GRIN2D: variants seen among roughly 807,000 people sequenced by gnomAD.
GRIN2D encodes the protein glutamate receptor ionotropic, NMDA 2D.
A neutral mutation model predicts 103.2 loss-of-function variants in GRIN2D; 37 were observed. The ratio of observed to expected loss-of-function variants is 0.36; its 90% CI spans 0.28 to 0.47. GRIN2D has a LOEUF of 0.47. Among genes scored for constraint, GRIN2D ranks in the 20% least tolerant of loss-of-function variants. The pLI is 1.00. For missense variants in GRIN2D, 1,557 were observed against 1,910.6 expected, an observed-to-expected ratio of 0.81 and a Z score of 3.45; for synonymous variants, 845 against 885.6, an observed-to-expected ratio of 0.95 and a Z score of 0.81.
intron 9 of GRIN2D, 81 bp downstream of exon 9, chr19:48,419,440 G>A (rs1266834148): frequency 3.3e-5 from 50 of 1,518,574 alleles, no homozygotes; most frequent in Non-Finnish European, 4.0e-5. Context: ...GCAGCCCCTG[G>A]AGGGGGGGCG....
At chr19:48,404,191 G>A (rs985985497) in intron 3 of GRIN2D, among the ~76,000 whole-genome samples, 2 of 149,808 alleles carry the variant, frequency 1.3e-5, no homozygotes, top group Non-Finnish European at 2.9e-5. Context: ...AGTGAGCCGA[G>A]ATTGTGCCAT....
At chr19:48,422,027 C>G in intron 11 of GRIN2D, 82 bp downstream of exon 11, 1 of 1,415,490 alleles carries the variant, frequency 7.1e-7, no homozygotes, top group Non-Finnish European at 9.8e-7. Flanking sequence ...GGTCCAGGTT[C>G]ATTCATTCAG....
chr19:48,433,729 C>T (rs1971189381), intron 11 of GRIN2D, among the ~76,000 whole-genome samples: 1 of 152,190 alleles, frequency 6.6e-6, no homozygotes, highest in South Asian at 2.1e-4. Flanking sequence ...GTAATGTAAG[C>T]ATTATTTTTT....
Position 48,442,086 on chromosome 19 carries a change from A to T in GRIN2D, c.2441-64A>T, listed in dbSNP as rs1971302019. ...GAAGGGGCTAAGGGCCTACATTCCC[A>T]CATCACAGACAAGGGTCCTCAGAGG... On this transcript the variant is annotated intron_variant, in intron 12 of 13. Coordinates refer to ENST00000263269, the MANE Select transcript of GRIN2D (RefSeq NM_000836.4). This position sits in a 1 kb window ranked among gnomAD's most constrained non-coding sequence, Gnocchi z 7.2. 4 of 1,505,238 alleles carry T rather than the reference A, an allele frequency of 2.7e-6. No homozygotes were observed. The Admixed American group carries it at 6.8e-5, about 26-fold the overall frequency. The allele number at this position is 1,505,238 out of a possible 1,614,324, so 93.2% of individuals were successfully genotyped here.
chr19:48,421,706 G>A lies in GRIN2D; in HGVS notation c.2092-79G>A, dbSNP rs1654671. ...GGGACTGGGGTGTCTGCCAGATAGC[G>A]GGTGTGTCTCAGAATGGGTGATTTA... On this transcript the variant is annotated intron_variant, in intron 10 of 13. Coordinates refer to ENST00000263269, the MANE Select transcript of GRIN2D (RefSeq NM_000836.4). This position sits in a 1 kb window ranked among gnomAD's most constrained non-coding sequence, Gnocchi z 4.8. The A allele has an allele frequency of 0.41, 471,095 of 1,143,338 alleles. 100,080 individuals are homozygous for A. The highest frequency in any genetic ancestry group is 0.57 in the East Asian group (24,323 of 42,324). The allele number at this position is 1,143,338 out of a possible 1,614,324, so 70.8% of individuals were successfully genotyped here.
At chr19:48,395,088 G>A (rs1600964509) in intron 2 of GRIN2D, among the ~76,000 whole-genome samples, 152 bp downstream of exon 2, 1 of 151,862 alleles carries the variant, frequency 6.6e-6, no homozygotes, top group Non-Finnish European at 1.5e-5. Context: ...GTCCCTCAGG[G>A]ACTCTCCTCC....
Position 48,432,510 on chromosome 19 carries a change from ACT to A in GRIN2D, c.2253-9256_2253-9255del, listed in dbSNP as rs1241143306. 3.3e-5 allele frequency among the ~76,000 whole-genome samples: 5 copies of A among 150,888 alleles called. No homozygotes were observed. The South Asian group carries it at 1.1e-3, about 32-fold the overall frequency. On this transcript the variant is annotated intron_variant, in intron 11 of 13. Transcript: ENST00000263269. ...TATTTATGTTTAGAGACAGGGTCTC[ACT>A]CTGTTCCCCAGGCTAGAGTGCAGTG...
chr19:48,395,903 C>T (rs1452036365), intron 2 of GRIN2D, among the ~76,000 whole-genome samples: 2 of 151,926 alleles, frequency 1.3e-5, no homozygotes, highest in Non-Finnish European at 2.9e-5. Flanking sequence ...CACTGGAGTT[C>T]CAGAGTCTTG....
At chr19:48,398,286 C>T in intron 2 of GRIN2D, 81 bp from the exon 3 acceptor site, 1 of 477,074 alleles carries the variant, frequency 2.1e-6, no homozygotes, top group Non-Finnish European at 2.8e-6. Context: ...CTCTGTGCGT[C>T]TCTTTATCTC....
Position 48,441,758 on chromosome 19 carries a change from C to T in GRIN2D, c.2253-11C>T, listed in dbSNP as rs1971294776. ...GGGACTGACCCTACCCTCCATTCCCCCTCCCCCCAGGAAGCTGGACGCCTT... is the reference window on the plus strand; with the variant it reads ...GGGACTGACCCTACCCTCCATTCCCTCTCCCCCCAGGAAGCTGGACGCCTT... On this transcript the variant is annotated splice_polypyrimidine_tract_variant and intron_variant, in intron 11 of 13. Transcript: ENST00000263269. 19 of 1,604,188 alleles carry T rather than the reference C, an allele frequency of 1.2e-5. No homozygotes were observed. Among genetic ancestry groups the T allele is most frequent in the Non-Finnish European group, 1.4e-5 (17 of 1,173,496 alleles).
Position 48,419,775 on chromosome 19 carries a change from G to A in GRIN2D, c.2052G>A (p.Glu684=). ...TANLAAFMIQ[E]EYVDTVSGLS... ...ACCTGGCCGCCTTCATGATCCAGGA[G>A]GAGTACGTGGATACTGTGTCTGGGC... Residue 684 remains glutamate (E), a synonymous_variant, in exon 10 of 14, where the codon GAG becomes GAA. Transcript: ENST00000263269. The A allele has an allele frequency of 1.2e-6, 2 of 1,613,798 alleles. No homozygotes were observed.
Position 48,419,685 on chromosome 19 carries a change from C to A in GRIN2D, c.1962C>A (p.Thr654=), listed in dbSNP as rs946604577. The A allele has an allele frequency of 3.1e-6, 5 of 1,613,452 alleles. No individual in the cohort carries two copies. The highest frequency in any genetic ancestry group is 4.2e-6 in the Non-Finnish European group (5 of 1,179,904). Residue 654 remains threonine, a synonymous_variant, in exon 10 of 14, where the codon ACC becomes ACA. Coordinates refer to ENST00000263269, the MANE Select transcript of GRIN2D (RefSeq NM_000836.4). ...CCGTGGAGAACCCCCGGGGAACCAC[C>A]AGCAAAATCATGGTGCTGGTGTGGG... The part of the protein sequence containing the change: ...SVPVENPRGT[T]SKIMVLVWAF...
rs1970945607 is a variant in GRIN2D, at chr19:48,416,141, C to T, written c.1721C>T (p.Pro574Leu). The T allele has an allele frequency of 6.2e-7, 1 of 1,613,710 alleles. No homozygotes were observed. Among genetic ancestry groups the T allele is most frequent in the Non-Finnish European group, 8.5e-7 (1 of 1,179,940 alleles). ...GCGCGCAGCAATGGCACGGTGTCCC[C>T]CTCGGCCTTCCTCGGTAATCTGGGG... Reference protein sequence around the residue: ...MVARSNGTVSPSAFLEPYSPA... With the variant: ...MVARSNGTVSLSAFLEPYSPA... The change falls in exon 8 of 14, where the codon CCC (proline) becomes CTC (leucine). Residue 574 changes from proline (P) to leucine (L), a missense_variant. Coordinates refer to ENST00000263269, the MANE Select transcript of GRIN2D (RefSeq NM_000836.4).
chr19:48,434,172 G>A (rs1971197066), intron 11 of GRIN2D, among the ~76,000 whole-genome samples: 1 of 152,016 alleles, frequency 6.6e-6, no homozygotes, highest in Admixed American at 6.6e-5. Flanking sequence ...GGATGGTTTA[G>A]ATCTCCTGAC....
intron 11 of GRIN2D, 130 bp downstream of exon 11, chr19:48,422,075 C>T (rs556998039): frequency 3.8e-5 from 31 of 818,808 alleles, no homozygotes; most frequent in Non-Finnish European, 5.3e-5. Context: ...GCTTGGAGGG[C>T]GGAGGTCACT....
chr19:48,442,963 G>C lies in GRIN2D; in HGVS notation c.3037G>C (p.Asp1013His). Residue 1013 changes from aspartate (D) to histidine (H), a missense_variant, in exon 14 of 14, where the codon GAC (aspartate) becomes CAC (histidine). This residue lies in a region of GRIN2D where 632 missense variants were observed against 572.8 expected (regional missense o/e 1.10). Coordinates refer to ENST00000263269, the MANE Select transcript of GRIN2D (RefSeq NM_000836.4). The surrounding 1 kb of genome is among the most constrained non-coding windows in gnomAD (Gnocchi z 7.2). The stretch of plus-strand genomic sequence containing the variant: ...GCCCTCCTATTTCGCCATCGTACGC[G>C]ACAAGGAGCCAGCCGAGCCCCCCGC... ...PPPSYFAIVR[D>H]KEPAEPPAGA... 1 of 1,139,976 alleles carries C rather than the reference G, an allele frequency of 8.8e-7. No homozygotes were observed. Among genetic ancestry groups the C allele is most frequent in the Non-Finnish European group, 1.1e-6 (1 of 919,226 alleles). 70.6% of individuals were successfully genotyped at this position (1,139,976 alleles called of 1,614,324 possible). A position where few individuals can be genotyped will look rare whatever the true frequency, so the allele number is the denominator to read the frequency against.
intron 9 of GRIN2D, 97 bp from the exon 10 acceptor site, chr19:48,419,488 G>T: frequency 7.3e-7 from 1 of 1,360,596 alleles, no homozygotes; most frequent in South Asian, 1.3e-5. Context: ...CAGATGCCTT[G>T]AGGGCCACTG....
At chr19:48,409,811 C>T (rs1339299374) in intron 4 of GRIN2D, among the ~76,000 whole-genome samples, 1 of 151,786 alleles carries the variant, frequency 6.6e-6, no homozygotes. Flanking sequence ...GATACAGTCT[C>T]GCTCTGTTGC....
intron 3 of GRIN2D, among the ~76,000 whole-genome samples, chr19:48,399,826 C>A (rs1010588883): frequency 1.5e-5 from 2 of 130,996 alleles, no homozygotes; most frequent in African/African-American, 2.9e-5. Flanking sequence ...AGATTTGGTG[C>A]GAGGCCAGTC....
Sources: allele counts gnomAD v4.1 joint callset (sites outside exome capture counted in the v4.1 genomes callset), GRCh38; gene constraint gnomAD v4.1.1; regional missense constraint gnomAD v4.1.1; non-coding constraint Gnocchi (gnomAD v3.1); transcripts MANE v1.5; gene names NCBI Gene and HGNC (gene_info 2026-07-23, HGNC 2026-07-21).